The following CLSTN2 variants were observed in gnomAD, a reference collection of about 807,000 sequenced individuals.
CLSTN2 encodes calsyntenin-2.
In CLSTN2, 48 loss-of-function variants were observed where a neutral mutation model predicts 101.2. The ratio of observed to expected loss-of-function variants is 0.47; its 90% CI spans 0.38 to 0.60. The LOEUF is 0.60. Ranked by LOEUF, CLSTN2 falls within the 20% of genes least tolerant of loss-of-function variation. The pLI is 0.00. For missense variants in CLSTN2, 1,160 were observed against 1,238.2 expected, an observed-to-expected ratio of 0.94 and a Z score of 0.95; for synonymous variants, 481 against 463.6, an observed-to-expected ratio of 1.04 and a Z score of -0.48.
chr3:140,142,154 A>C (rs371281132), intron 1 of CLSTN2, among the ~76,000 whole-genome samples: 3 of 152,260 alleles, frequency 2.0e-5, no homozygotes, highest in East Asian at 3.9e-4. Flanking sequence ...CACATTCTTC[A>C]TTAAACTTTG....
intron 2 of CLSTN2, among the ~76,000 whole-genome samples, chr3:140,268,045 A>G (rs976641571): frequency 6.6e-6 from 1 of 152,192 alleles, no homozygotes; most frequent in Non-Finnish European, 1.5e-5. Flanking sequence ...GGCAGAGGAA[A>G]AAAGGAGGGA....
chr3:140,544,809 G>C (rs1935556331), intron 9 of CLSTN2, among the ~76,000 whole-genome samples: 1 of 152,028 alleles, frequency 6.6e-6, no homozygotes, highest in African/African-American at 2.4e-5. Context: ...GGGGATCATG[G>C]AGGGCTTCCA....
intron 1 of CLSTN2, among the ~76,000 whole-genome samples, chr3:140,166,040 A>G (rs549698855): frequency 8.5e-5 from 13 of 152,212 alleles, no homozygotes; most frequent in African/African-American, 3.1e-4. Context: ...CTCTCTGCCT[A>G]TCTACTCTCA....
At chr3:140,054,822 G>T (rs2008069935) in intron 1 of CLSTN2, among the ~76,000 whole-genome samples, 2 of 152,164 alleles carry the variant, frequency 1.3e-5, no homozygotes, top group Non-Finnish European at 2.9e-5. Context: ...AAGGGAGTTT[G>T]GGAGAAAAAC....
chr3:140,304,642 A>G (rs1428265108), intron 2 of CLSTN2, among the ~76,000 whole-genome samples: 1 of 152,350 alleles, frequency 6.6e-6, no homozygotes, highest in Middle Eastern at 3.4e-3. Flanking sequence ...GGGGGACACA[A>G]GCCTTTAATC....
chr3:139,986,031 T>C (rs1380135663), intron 1 of CLSTN2, among the ~76,000 whole-genome samples: 1 of 152,234 alleles, frequency 6.6e-6, no homozygotes, highest in Non-Finnish European at 1.5e-5. Context: ...ATCAATTAAC[T>C]ATTCCTGATT....
intron 1 of CLSTN2, among the ~76,000 whole-genome samples, chr3:140,165,574 C>T (rs1179354049): frequency 6.6e-6 from 1 of 152,064 alleles, no homozygotes; most frequent in African/African-American, 2.4e-5. Context: ...TGAGCTGAAC[C>T]TGGAAGAATG....
intron 2 of CLSTN2, among the ~76,000 whole-genome samples, chr3:140,240,178 A>C (rs868656418): frequency 0.28 from 2,578 of 9,150 alleles, 182 homozygotes; most frequent in African/African-American, 0.35. Flanking sequence ...CTCTCTCTAT[A>C]TATATATATA....
intron 8 of CLSTN2, 98 bp downstream of exon 8, chr3:140,466,829 T>A (rs1576584071): frequency 6.6e-7 from 1 of 1,512,660 alleles, no homozygotes; most frequent in East Asian, 2.3e-5. Flanking sequence ...TGCAAGGTCC[T>A]GACCACTTGC....
intron 2 of CLSTN2, among the ~76,000 whole-genome samples, chr3:140,286,803 T>C (rs557183794): frequency 7.3e-4 from 111 of 152,216 alleles, no homozygotes; most frequent in African/African-American, 2.6e-3. Context: ...GGAGGAGTAG[T>C]GGGGTCCTGG....
chr3:140,345,017 C>CA (rs2087530293), intron 2 of CLSTN2, among the ~76,000 whole-genome samples: 1 of 152,072 alleles, frequency 6.6e-6, no homozygotes, highest in Non-Finnish European at 1.5e-5. Context: ...TGAGTGTATC[C>CA]AAAAAATGCC....
chr3:140,549,769 A>G (rs1935670864), intron 10 of CLSTN2, among the ~76,000 whole-genome samples: 1 of 149,658 alleles, frequency 6.7e-6, no homozygotes, highest in South Asian at 2.1e-4. Flanking sequence ...TTTATTGGAC[A>G]GTTACTGCCC....
At chr3:140,352,900 T>A (rs927538393) in intron 2 of CLSTN2, among the ~76,000 whole-genome samples, 15 of 152,152 alleles carry the variant, frequency 9.9e-5, no homozygotes, top group African/African-American at 2.7e-4. Flanking sequence ...GCCCTCCATA[T>A]CCATAAGTTC....
intron 4 of CLSTN2, among the ~76,000 whole-genome samples, chr3:140,412,972 T>TTA (rs1279055860): frequency 2.6e-5 from 4 of 152,242 alleles, no homozygotes; most frequent in Admixed American, 1.3e-4. Flanking sequence ...AAAAACCTAA[T>TTA]GTTATACGTC....
At chr3:140,274,109 C>T (rs905099585) in intron 2 of CLSTN2, among the ~76,000 whole-genome samples, 6 of 152,150 alleles carry the variant, frequency 3.9e-5, no homozygotes, top group Admixed American at 3.3e-4. Flanking sequence ...GGAGACTTGG[C>T]ATGGTAACAT....
At chr3:139,989,059 G>A (rs915772203) in intron 1 of CLSTN2, among the ~76,000 whole-genome samples, 5 of 152,204 alleles carry the variant, frequency 3.3e-5, no homozygotes. Flanking sequence ...AATTTGGGGA[G>A]CACTTGGACT....
intron 2 of CLSTN2, among the ~76,000 whole-genome samples, chr3:140,341,977 G>T (rs2087498434): frequency 6.6e-6 from 1 of 152,112 alleles, no homozygotes; most frequent in South Asian, 2.1e-4. Flanking sequence ...ACATTGTGAG[G>T]GCTGGGCACC....
intron 8 of CLSTN2, among the ~76,000 whole-genome samples, chr3:140,504,671 A>G (rs59975423): frequency 1.3e-5 from 2 of 152,338 alleles, no homozygotes; most frequent in East Asian, 3.9e-4. Flanking sequence ...TTACATCCAC[A>G]GTCACACCAA....
intron 1 of CLSTN2, among the ~76,000 whole-genome samples, chr3:140,044,843 C>T (rs1271409044): frequency 6.6e-6 from 1 of 152,092 alleles, no homozygotes; most frequent in Non-Finnish European, 1.5e-5. Flanking sequence ...TATTGATTTG[C>T]ATATGTTGAA....
Sources: gnomAD v4.1 joint callset for allele counts (sites outside exome capture counted in the v4.1 genomes callset) on GRCh38, gnomAD v4.1.1 for gene constraint, MANE v1.5 for transcripts, NCBI Gene and HGNC (gene_info 2026-07-23, HGNC 2026-07-21) for gene names.